The following SGCZ variants were observed in gnomAD, a reference collection of about 807,000 sequenced individuals.
SGCZ encodes the protein zeta-sarcoglycan.
A neutral mutation model predicts 41.3 loss-of-function variants in SGCZ; 40 were observed. The ratio of observed to expected loss-of-function variants is 0.97; its 90% CI spans 0.75 to 1.26. The LOEUF (loss-of-function observed/expected upper bound fraction) is 1.26. Ranked by LOEUF, SGCZ falls within the 50% of genes most tolerant of loss-of-function variation. SGCZ has a pLI of 0.00. For missense variants in SGCZ, 552 were observed against 369.8 expected, an observed-to-expected ratio of 1.49 and a Z score of -4.04; for synonymous variants, 206 against 137.5, an observed-to-expected ratio of 1.50 and a Z score of -3.49.
intron 1 of SGCZ, among the ~76,000 whole-genome samples, chr8:15,154,510 T>C (rs942149713): frequency 6.6e-6 from 1 of 152,172 alleles, no homozygotes; most frequent in Non-Finnish European, 1.5e-5. Context: ...TGGACCCCAG[T>C]ACAGACAGCA....
rs915760608 is a variant in SGCZ, at chr8:14,309,569, C to G, written c.336+14534G>C. 5.6e-5 allele frequency: 90 copies of G among 1,610,584 alleles called. No individual in the cohort carries two copies. The Middle Eastern group carries it at 6.8e-4, about 12-fold the overall frequency. ...TGTTACACATACAGGGACGGTATAA[C>G]AAGGAAAGGTTAGGACTTCATCCAA... On this transcript the variant is annotated intron_variant, in intron 3 of 7. Transcript: ENST00000382080.
intron 2 of SGCZ, among the ~76,000 whole-genome samples, chr8:14,444,110 A>G (rs1044582564): frequency 2.0e-5 from 3 of 152,188 alleles, no homozygotes; most frequent in African/African-American, 7.2e-5. Context: ...AACCACAATG[A>G]GATACCATCT....
chr8:14,591,874 T>C (rs562888323), intron 1 of SGCZ, among the ~76,000 whole-genome samples: 127 of 152,254 alleles, frequency 8.3e-4, no homozygotes, highest in African/African-American at 2.9e-3. Flanking sequence ...AATTCCACTT[T>C]CCTGCTAAGT....
At chr8:14,253,755 C>A (rs531430652) in intron 3 of SGCZ, among the ~76,000 whole-genome samples, 1 of 151,972 alleles carries the variant, frequency 6.6e-6, no homozygotes, top group Non-Finnish European at 1.5e-5. Flanking sequence ...CTTTACAGAA[C>A]GAGCTATCTA....
At chr8:14,264,469 A>T (rs1799802222) in intron 3 of SGCZ, among the ~76,000 whole-genome samples, 1 of 152,150 alleles carries the variant, frequency 6.6e-6, no homozygotes, top group African/African-American at 2.4e-5. Flanking sequence ...TCCTTCAGGA[A>T]CAAAACATCC....
chr8:14,889,574 T>G (rs562312626), intron 1 of SGCZ, among the ~76,000 whole-genome samples: 27 of 152,220 alleles, frequency 1.8e-4, no homozygotes, highest in African/African-American at 6.0e-4. Context: ...CTCAAAATTC[T>G]TATCTATAAA....
chr8:14,643,678 T>C (rs570484235), intron 1 of SGCZ, among the ~76,000 whole-genome samples: 103 of 151,840 alleles, frequency 6.8e-4, no homozygotes, highest in African/African-American at 2.4e-3. Context: ...GTGTTGATGA[T>C]AGAAGCATTC....
chr8:14,594,121 G>T (rs1805328980), intron 1 of SGCZ, among the ~76,000 whole-genome samples: 1 of 151,594 alleles, frequency 6.6e-6, no homozygotes, highest in African/African-American at 2.4e-5. Context: ...GTTACAGTGA[G>T]TCGAGATTAG....
intron 1 of SGCZ, among the ~76,000 whole-genome samples, chr8:14,800,774 C>A (rs1801296717): frequency 6.6e-6 from 1 of 152,088 alleles, no homozygotes; most frequent in African/African-American, 2.4e-5. Flanking sequence ...TTATAAATTA[C>A]CCAGTGTCTA....
intron 2 of SGCZ, among the ~76,000 whole-genome samples, chr8:14,393,408 G>T (rs1413699357): frequency 1.3e-5 from 2 of 152,090 alleles, no homozygotes; most frequent in African/African-American, 4.8e-5. Flanking sequence ...TCAACCACAT[G>T]TACTATAAAG....
At chr8:14,885,672 C>T (rs921368213) in intron 1 of SGCZ, among the ~76,000 whole-genome samples, 1 of 151,872 alleles carries the variant, frequency 6.6e-6, no homozygotes, top group African/African-American at 2.4e-5. Flanking sequence ...GCCTGGCACA[C>T]AGAAAAGGCC....
At chr8:14,777,882 T>C (rs1052521459) in intron 1 of SGCZ, among the ~76,000 whole-genome samples, 2 of 145,336 alleles carry the variant, frequency 1.4e-5, no homozygotes, top group African/African-American at 5.2e-5. Flanking sequence ...CCTTTTCTTA[T>C]GTTTGAAATT....
At chr8:14,825,220 C>T (rs952389703) in intron 1 of SGCZ, among the ~76,000 whole-genome samples, 1 of 152,050 alleles carries the variant, frequency 6.6e-6, no homozygotes, top group Non-Finnish European at 1.5e-5. Flanking sequence ...GTAAAGAAAA[C>T]CTTTTATAGC....
At chr8:14,798,163 T>C (rs376440473) in intron 1 of SGCZ, among the ~76,000 whole-genome samples, 3 of 152,192 alleles carry the variant, frequency 2.0e-5, no homozygotes, top group Non-Finnish European at 4.4e-5. Context: ...ATTTTACTTT[T>C]AGAAAATGTT....
At chr8:14,899,933 T>A (rs1014367898) in intron 1 of SGCZ, among the ~76,000 whole-genome samples, 1 of 152,144 alleles carries the variant, frequency 6.6e-6, no homozygotes. Flanking sequence ...GAGTAGCTGG[T>A]GACCTGTACG....
intron 1 of SGCZ, among the ~76,000 whole-genome samples, chr8:14,603,686 C>G (rs1805661843): frequency 6.6e-6 from 1 of 152,072 alleles, no homozygotes; most frequent in Non-Finnish European, 1.5e-5. Context: ...TTTTTCTTGA[C>G]ACTTTCACTG....
chr8:14,100,569 AAT>A (rs904051081), intron 7 of SGCZ, among the ~76,000 whole-genome samples: 3 of 129,230 alleles, frequency 2.3e-5, no homozygotes, highest in African/African-American at 8.5e-5. Context: ...ATTATATATT[AAT>A]ATATTTTCAA....
chr8:15,158,869 G>A (rs1160137548), intron 1 of SGCZ, among the ~76,000 whole-genome samples: 1 of 152,166 alleles, frequency 6.6e-6, no homozygotes, highest in Non-Finnish European at 1.5e-5. Context: ...CTCAAGGAGG[G>A]TTATAATCAC....
At chr8:14,508,007 G>C (rs10105424) in intron 2 of SGCZ, among the ~76,000 whole-genome samples, 2,922 of 152,160 alleles carry the variant, frequency 0.019, 60 homozygotes, top group African/African-American at 0.047. Context: ...CCGAAATCAG[G>C]TGATCTGGCC....
Sources: gnomAD v4.1 joint callset for allele counts (sites outside exome capture counted in the v4.1 genomes callset) on GRCh38, gnomAD v4.1.1 for gene constraint, MANE v1.5 for transcripts, NCBI Gene and HGNC (gene_info 2026-07-23, HGNC 2026-07-21) for gene names.